Variants in CATSPERE observed in about 807,000 individuals in gnomAD.
The protein encoded by CATSPERE is catsper channel auxiliary subunit epsilon, also known as cation channel sperm-associated auxiliary subunit epsilon.
Under a neutral mutation model 114.1 loss-of-function variants are expected in CATSPERE, and 93 were observed. The observed-to-expected ratio is 0.81, with a 90% CI of 0.69 to 0.97. The LOEUF (loss-of-function observed/expected upper bound fraction) is 0.97. Ranked by LOEUF, CATSPERE falls within the 50% of genes least tolerant of loss-of-function variation. The probability of loss-of-function intolerance (pLI) is 0.00; values close to 1 mark genes in which losing one functional copy is unlikely to be tolerated. For missense variants in CATSPERE, 1,058 were observed against 1,131.6 expected, an observed-to-expected ratio of 0.93 and a Z score of 0.93; for synonymous variants, 341 against 384.1, an observed-to-expected ratio of 0.89 and a Z score of 1.31.
chr1:244,528,090 C>T (rs1678949713), intron 8 of CATSPERE, among the ~76,000 whole-genome samples: 1 of 152,228 alleles, frequency 6.6e-6, no homozygotes. Context: ...AGCTATTCTT[C>T]CTGATGCTCT....
At chr1:244,596,252 C>A (rs1293819379) in intron 17 of CATSPERE, among the ~76,000 whole-genome samples, 9 of 152,188 alleles carry the variant, frequency 5.9e-5, no homozygotes, top group African/African-American at 1.9e-4. Flanking sequence ...TCCCTTCCCC[C>A]CTTCTAGAAA....
At position 244,617,699 on chromosome 1, in the gene CATSPERE, G is replaced by T; in HGVS notation, c.2648+13G>T. On this transcript the variant is annotated intron_variant, in intron 20 of 21. Coordinates refer to ENST00000366534, the MANE Select transcript of CATSPERE (RefSeq NM_001130957.2). ...ATCCAAACTATAGGTGAATATATGT[G>T]TTACTGTAATAGTGTTAGCATTAGT... 2 of 1,521,944 alleles carry T rather than the reference G, an allele frequency of 1.3e-6. No homozygotes were observed. 94.3% of individuals were successfully genotyped at this position (1,521,944 alleles called of 1,614,324 possible). A position where few individuals can be genotyped will look rare whatever the true frequency, so the allele number is the denominator to read the frequency against.
Position 244,479,014 on chromosome 1 carries a change from G to A in CATSPERE, c.259-703G>A, listed in dbSNP as rs1481509438. ...TTGTACTCCAGCCTGGGGGACAAGA[G>A]CCAAACTTCGTCTCAAAAAAAAAAA... On this transcript the variant is annotated intron_variant, in intron 4 of 21. Transcript: ENST00000366534. 3.2e-5 allele frequency among the ~76,000 whole-genome samples: 3 copies of A among 92,758 alleles called. No homozygotes were observed. In the South Asian group the frequency reaches 1.2e-3, roughly 37 times the overall value. 60.9% of individuals were successfully genotyped at this position (92,758 alleles called of 152,430 possible).
At chr1:244,559,366 G>A (rs4130694) in intron 9 of CATSPERE, among the ~76,000 whole-genome samples, 7 of 152,016 alleles carry the variant, frequency 4.6e-5, no homozygotes, top group African/African-American at 7.3e-5. Flanking sequence ...GATATCTGCC[G>A]ACCTCCTGTT....
intron 7 of CATSPERE, among the ~76,000 whole-genome samples, chr1:244,507,407 T>G (rs1674993264): frequency 1.3e-5 from 2 of 152,242 alleles, no homozygotes; most frequent in South Asian, 4.1e-4. Flanking sequence ...ATGAATAGTT[T>G]GCAAGTATTT....
intron 13 of CATSPERE, among the ~76,000 whole-genome samples, chr1:244,585,920 C>G (rs189777559): frequency 6.6e-6 from 1 of 152,342 alleles, no homozygotes; most frequent in East Asian, 1.9e-4. Context: ...GATGAACTTT[C>G]CCTGGGAGGG....
chr1:244,553,606 C>T (rs1312766540), intron 9 of CATSPERE, among the ~76,000 whole-genome samples: 2 of 121,290 alleles, frequency 1.6e-5, no homozygotes, highest in African/African-American at 3.7e-5. Flanking sequence ...AAAAAATACA[C>T]ACACACACAC....
intron 8 of CATSPERE, among the ~76,000 whole-genome samples, chr1:244,544,584 G>A (rs1572673428): frequency 1.3e-5 from 2 of 152,304 alleles, no homozygotes; most frequent in East Asian, 3.9e-4. Context: ...CATTAGCACT[G>A]CCTCTACCTT....
Position 244,610,330 on chromosome 1 carries a change from A to G in CATSPERE, c.2490+4A>G. 1 of 1,594,902 alleles carries G rather than the reference A, an allele frequency of 6.3e-7. No individual in the cohort carries two copies. The highest frequency in any genetic ancestry group is 8.6e-7 in the Non-Finnish European group (1 of 1,162,870). On this transcript the variant is annotated splice_donor_region_variant and intron_variant, in intron 19 of 21. Coordinates refer to ENST00000366534, the MANE Select transcript of CATSPERE (RefSeq NM_001130957.2). ...AGAAGAAGTCTGGGGACCTGAGGTA[A>G]GAGAAACATTACCTTCCAGATTGTT...
intron 6 of CATSPERE, among the ~76,000 whole-genome samples, chr1:244,493,228 C>G (rs575901573): frequency 5.1e-4 from 78 of 152,318 alleles, no homozygotes; most frequent in Admixed American, 1.7e-3. Flanking sequence ...ACCAAAACAG[C>G]ATGGTACTGG....
intron 1 of CATSPERE, among the ~76,000 whole-genome samples, chr1:244,462,779 G>A (rs1055049944): frequency 3.9e-5 from 6 of 152,238 alleles, no homozygotes; most frequent in African/African-American, 1.4e-4. Context: ...TAAGAATTCA[G>A]AGTGCTATTA....
chr1:244,507,106 A>C (rs963755924), intron 7 of CATSPERE, among the ~76,000 whole-genome samples: 1 of 152,184 alleles, frequency 6.6e-6, no homozygotes, highest in Non-Finnish European at 1.5e-5. Context: ...TTTATAGCTG[A>C]ATAGTATTAC....
Position 244,504,762 on chromosome 1 carries a change from G to T in CATSPERE, c.429+5683G>T, listed in dbSNP as rs560032276. On this transcript the variant is annotated intron_variant, in intron 7 of 21. Transcript: ENST00000366534. This position sits in a 1 kb window ranked among gnomAD's most constrained non-coding sequence, Gnocchi z 4.1. ...ATTCCCATTACGCGCAATCAAGGGCGCATACAATCATATGATGTGTCGCTG... is the reference window on the plus strand; with the variant it reads ...ATTCCCATTACGCGCAATCAAGGGCTCATACAATCATATGATGTGTCGCTG... 1.3e-5 allele frequency among the ~76,000 whole-genome samples: 2 copies of T among 152,180 alleles called. No homozygotes were observed. Among genetic ancestry groups the T allele is most frequent in the Non-Finnish European group, 2.9e-5 (2 of 68,032 alleles).
intron 6 of CATSPERE, among the ~76,000 whole-genome samples, chr1:244,491,116 C>T (rs1211542944): frequency 6.6e-6 from 1 of 152,132 alleles, no homozygotes; most frequent in African/African-American, 2.4e-5. Flanking sequence ...CTACAGAACT[C>T]TCCACCACAA....
chr1:244,511,858 C>T (rs186078792), intron 7 of CATSPERE, among the ~76,000 whole-genome samples: 3 of 152,204 alleles, frequency 2.0e-5, no homozygotes, highest in East Asian at 3.9e-4. Flanking sequence ...TTGACTGTAT[C>T]ATCTCATTCT....
chr1:244,465,987 G>A (rs1407598644), intron 2 of CATSPERE, among the ~76,000 whole-genome samples: 1 of 152,118 alleles, frequency 6.6e-6, no homozygotes, highest in Non-Finnish European at 1.5e-5. Flanking sequence ...AATTAACTAA[G>A]TATTCATTGG....
At chr1:244,570,143 T>C (rs1025687279) in intron 10 of CATSPERE, among the ~76,000 whole-genome samples, 4 of 152,198 alleles carry the variant, frequency 2.6e-5, no homozygotes, top group African/African-American at 9.6e-5. Context: ...TCTATTCTAA[T>C]ATTTTATCCC....
chr1:244,503,919 A>G (rs1298383379), intron 7 of CATSPERE, among the ~76,000 whole-genome samples: 1 of 152,140 alleles, frequency 6.6e-6, no homozygotes, highest in African/African-American at 2.4e-5. Context: ...TACTCATATC[A>G]GTTATTTTCA....
At chr1:244,489,466 T>C (rs1671606784) in intron 5 of CATSPERE, among the ~76,000 whole-genome samples, 1 of 147,692 alleles carries the variant, frequency 6.8e-6, no homozygotes, top group African/African-American at 2.5e-5. Flanking sequence ...TTTTTTTTTT[T>C]TTTTTTTTTT....
Sources: gnomAD v4.1 joint callset for allele counts (sites outside exome capture counted in the v4.1 genomes callset) on GRCh38, gnomAD v4.1.1 for gene constraint, Gnocchi (gnomAD v3.1) non-coding constraint, MANE v1.5 for transcripts, NCBI Gene and HGNC (gene_info 2026-07-23, HGNC 2026-07-21) for gene names.